Variants in TRPS1 observed in about 807,000 individuals in gnomAD.
TRPS1 encodes zinc finger transcription factor Trps1.
TRPS1 carries 6 observed loss-of-function variants against 101.2 expected under a neutral mutation model. The observed-to-expected ratio is 0.06, with a 90% CI of 0.03 to 0.12. The LOEUF is 0.12. Among genes scored for constraint, TRPS1 ranks in the 10% least tolerant of loss-of-function variants. The pLI is 1.00. For missense variants in TRPS1, 1,363 were observed against 1,567.0 expected, an observed-to-expected ratio of 0.87 and a Z score of 2.20; for synonymous variants, 578 against 589.8, an observed-to-expected ratio of 0.98 and a Z score of 0.29.
chr8:115,449,988 C>CACACAT (rs1813827825), intron 5 of TRPS1, among the ~76,000 whole-genome samples: 2 of 151,246 alleles, frequency 1.3e-5, no homozygotes, highest in Admixed American at 1.3e-4. Flanking sequence ...CACACACACA[C>CACACAT]AGACATACAC....
intron 5 of TRPS1, among the ~76,000 whole-genome samples, chr8:115,425,730 G>A (rs1309854871): frequency 6.6e-6 from 1 of 152,128 alleles, no homozygotes; most frequent in Non-Finnish European, 1.5e-5. Flanking sequence ...TACATCTCAA[G>A]GTTTTAGAAA....
intron 1 of TRPS1, among the ~76,000 whole-genome samples, chr8:115,627,403 A>C (rs1401766874): frequency 1.3e-5 from 2 of 151,824 alleles, no homozygotes; most frequent in Non-Finnish European, 3.0e-5. Flanking sequence ...TTACATTTGC[A>C]CACAAGTCAG....
chr8:115,474,342 T>TA (rs964065492), intron 5 of TRPS1, among the ~76,000 whole-genome samples: 5 of 151,908 alleles, frequency 3.3e-5, no homozygotes, highest in African/African-American at 7.3e-5. Flanking sequence ...TTTAGGACTA[T>TA]AAAAAAAATT....
chr8:115,489,819 T>C (rs1712051444), intron 5 of TRPS1, among the ~76,000 whole-genome samples: 1 of 152,128 alleles, frequency 6.6e-6, no homozygotes, highest in Admixed American at 6.5e-5. Context: ...AAAGAACAGG[T>C]AAATAATATC....
chr8:115,611,711 A>G (rs569920859), intron 3 of TRPS1, among the ~76,000 whole-genome samples: 11 of 152,370 alleles, frequency 7.2e-5, no homozygotes, highest in African/African-American at 2.6e-4. Context: ...ATCAACAGCG[A>G]GAGTAAGACA....
chr8:115,616,214 T>C (rs111679687), intron 3 of TRPS1, among the ~76,000 whole-genome samples: 11 of 152,174 alleles, frequency 7.2e-5, no homozygotes, highest in Non-Finnish European at 1.0e-4. Flanking sequence ...CAAAGAAACA[T>C]TGTTATTTGG....
chr8:115,637,292 C>T lies in TRPS1; in HGVS notation c.-121-13534G>A, dbSNP rs571370064. 2.2e-3 allele frequency: 2,183 copies of T among 985,360 alleles called. 3 individuals carry two copies. Among genetic ancestry groups the T allele is most frequent in the Non-Finnish European group, 2.5e-3 (2,093 of 829,950 alleles). The allele number at this position is 985,360 out of a possible 1,614,324, so 61.0% of individuals were successfully genotyped here. On this transcript the variant is annotated intron_variant, in intron 1 of 6. Coordinates refer to ENST00000395715, the MANE Select transcript of TRPS1 (RefSeq NM_014112.5). ...GAATCTTGAATCCCAGTTGATGAGG[C>T]TGGACCACTTGGAGAAAGCAGGAAG...
rs376056507 is a variant in TRPS1, at chr8:115,624,857, C to T, written c.-121-1099G>A. On this transcript the variant is annotated intron_variant, in intron 1 of 6. Transcript: ENST00000395715. ...CCTGTAAAAGACTGACTGATGTTCT[C>T]AAGAGGGCACCTTCACAGCAAAAGG... is the stretch of plus-strand genomic sequence containing the variant. Among the ~76,000 whole-genome samples the T allele has an allele frequency of 6.6e-5, 10 of 151,788 alleles. No homozygotes were observed. The East Asian group carries it at 1.9e-3, about 29-fold the overall frequency.
chr8:115,508,904 C>A (rs1290333726), intron 5 of TRPS1, among the ~76,000 whole-genome samples: 2 of 151,882 alleles, frequency 1.3e-5, no homozygotes, highest in African/African-American at 4.8e-5. Flanking sequence ...TTTCTGCATA[C>A]CCTGGAAACA....
chr8:115,440,509 T>C (rs1813566659), intron 5 of TRPS1, among the ~76,000 whole-genome samples: 1 of 152,244 alleles, frequency 6.6e-6, no homozygotes, highest in Non-Finnish European at 1.5e-5. Flanking sequence ...TTCTTCTTTT[T>C]GATACAGCTA....
intron 1 of TRPS1, among the ~76,000 whole-genome samples, chr8:115,667,315 G>A (rs958517949): frequency 2.0e-5 from 3 of 152,138 alleles, no homozygotes; most frequent in Non-Finnish European, 4.4e-5. Context: ...CACAAAAACA[G>A]CTTTACACTT....
At position 115,409,266 on chromosome 8, in the gene TRPS1, A is replaced by AAAAAAAG. The variant is rs1359047325; in HGVS notation, c.*4756_*4757insCTTTTTT. The AAAAAAAG allele has an allele frequency of 6.7e-6, 1 of 148,504 alleles. No individual in the cohort carries two copies. The highest frequency in any genetic ancestry group is 2.1e-4 in the East Asian group (1 of 4,874). The allele number at this position is 148,504 out of a possible 1,614,324, so 9.2% of individuals were successfully genotyped here. ...TGCTGCAGTTTATATGTTGGGAAAA[A>AAAAAAAG]AAAAAAAAAAAAAAACAGGGGAAAA... On this transcript the variant is annotated 3_prime_UTR_variant, in exon 7 of 7. Coordinates refer to ENST00000395715, the MANE Select transcript of TRPS1 (RefSeq NM_014112.5).
chr8:115,465,892 G>A (rs1814305547), intron 5 of TRPS1, among the ~76,000 whole-genome samples: 2 of 151,928 alleles, frequency 1.3e-5, no homozygotes, highest in African/African-American at 4.8e-5. Context: ...AATTAAATAT[G>A]TATTTTAAAA....
intron 5 of TRPS1, among the ~76,000 whole-genome samples, chr8:115,558,437 T>G (rs1001440411): frequency 6.6e-6 from 1 of 152,138 alleles, no homozygotes; most frequent in Non-Finnish European, 1.5e-5. Context: ...CTCCCCTAGA[T>G]AAAGAGGCTG....
At chr8:115,653,522 G>C (rs1811610690) in intron 1 of TRPS1, among the ~76,000 whole-genome samples, 1 of 152,008 alleles carries the variant, frequency 6.6e-6, no homozygotes, top group South Asian at 2.1e-4. Context: ...TCATTCTATA[G>C]TTTTCTGATT....
rs1818928089 is a variant in TRPS1, at chr8:115,642,667, A to G, written c.-121-18909T>C. Among the ~76,000 whole-genome samples, 3 of 151,944 alleles carry G rather than the reference A, an allele frequency of 2.0e-5. No individual in the cohort carries two copies. The South Asian group carries it at 6.2e-4, about 32-fold the overall frequency. On this transcript the variant is annotated intron_variant, in intron 1 of 6. Coordinates refer to ENST00000395715, the MANE Select transcript of TRPS1 (RefSeq NM_014112.5). ...CCTTTTCTATCAAAAAATGACTCCA[A>G]AGGTGCATGGTAATTTCTCCTAGAA... is the stretch of plus-strand genomic sequence containing the variant.
At chr8:115,664,386 C>T (rs1260887748) in intron 1 of TRPS1, among the ~76,000 whole-genome samples, 1 of 152,014 alleles carries the variant, frequency 6.6e-6, no homozygotes, top group Non-Finnish European at 1.5e-5. Context: ...CATCTTTATG[C>T]TATATCTAAG....
rs149900984 is a variant in TRPS1, at chr8:115,570,492, G to T, written c.2700+16509C>A. Among the ~76,000 whole-genome samples the T allele has an allele frequency of 5.1e-4, 77 of 151,792 alleles. No individual in the cohort carries two copies. The East Asian group carries it at 0.015, about 29-fold the overall frequency. The stretch of plus-strand genomic sequence containing the variant: ...CCTAAAAGATTAGCAGTATAACAGG[G>T]CCAACAAGAAACAAAAATATAAAAA... On this transcript the variant is annotated intron_variant, in intron 5 of 6. Coordinates refer to ENST00000395715, the MANE Select transcript of TRPS1 (RefSeq NM_014112.5).
At chr8:115,627,611 G>A (rs747023424) in intron 1 of TRPS1, among the ~76,000 whole-genome samples, 49 of 151,768 alleles carry the variant, frequency 3.2e-4, no homozygotes, top group Non-Finnish European at 6.3e-4. Context: ...CAAAAATAAC[G>A]AGTGCTGTGC....
Sources: gnomAD v4.1 joint callset for allele counts (sites outside exome capture counted in the v4.1 genomes callset) on GRCh38, gnomAD v4.1.1 for gene constraint, MANE v1.5 for transcripts, NCBI Gene and HGNC (gene_info 2026-07-23, HGNC 2026-07-21) for gene names.